MVB12B: variants seen among roughly 807,000 people sequenced by gnomAD.
MVB12B encodes the protein multivesicular body subunit 12B, also known as ESCRT-I complex subunit MVB12B.
Under a neutral mutation model 41.6 loss-of-function variants are expected in MVB12B, and 16 were observed. That is an observed-to-expected ratio of 0.38 (90% CI 0.26 to 0.58). The LOEUF (loss-of-function observed/expected upper bound fraction) is 0.58. Ranked by LOEUF, MVB12B falls within the 20% of genes least tolerant of loss-of-function variation. The pLI is 0.62. For synonymous variants in MVB12B, 133 were observed against 139.7 expected (o/e 0.95, Z 0.34); for missense variants, 274 against 380.2 (o/e 0.72, Z 2.32).
intron 2 of MVB12B, among the ~76,000 whole-genome samples, chr9:126,356,888 G>A (rs1463094607): frequency 6.6e-6 from 1 of 151,896 alleles, no homozygotes; most frequent in African/African-American, 2.4e-5. Context: ...AGCTCCCTAA[G>A]GCCCCCCAGA....
intron 7 of MVB12B, among the ~76,000 whole-genome samples, chr9:126,437,299 A>G (rs1490723583): frequency 4.6e-5 from 7 of 152,318 alleles, no homozygotes; most frequent in East Asian, 3.9e-4. Flanking sequence ...GCATAGACAG[A>G]TTTTCTTTTG....
chr9:126,330,422 G>T (rs991961196), intron 1 of MVB12B, among the ~76,000 whole-genome samples: 3 of 152,180 alleles, frequency 2.0e-5, no homozygotes, highest in African/African-American at 7.2e-5. Context: ...AAATGAGTTT[G>T]TAATGCACTA....
chr9:126,431,511 CTT>C (rs1588167494), intron 7 of MVB12B, among the ~76,000 whole-genome samples: 1 of 152,180 alleles, frequency 6.6e-6, no homozygotes, highest in East Asian at 1.9e-4. Flanking sequence ...GAAGTTAAGA[CTT>C]TTTCCAGTTA....
At chr9:126,396,669 G>C (rs1366785720) in intron 6 of MVB12B, 1 of 985,312 alleles carries the variant, frequency 1.0e-6, no homozygotes, top group African/African-American at 1.7e-5. Flanking sequence ...AGGCTCCAAA[G>C]CCCTGAGGAC....
intron 7 of MVB12B, among the ~76,000 whole-genome samples, chr9:126,457,868 G>A (rs1833014799): frequency 6.6e-6 from 1 of 152,144 alleles, no homozygotes; most frequent in Non-Finnish European, 1.5e-5. Context: ...CAATAGCCTC[G>A]CTGGAGTCAA....
chr9:126,460,212 A>G (rs1194253203), intron 7 of MVB12B, among the ~76,000 whole-genome samples: 4 of 152,120 alleles, frequency 2.6e-5, no homozygotes, highest in Non-Finnish European at 5.9e-5. Flanking sequence ...CTCCGTCACC[A>G]TGCAGGTGAC....
chr9:126,438,886 T>C (rs1329995636), intron 7 of MVB12B, among the ~76,000 whole-genome samples: 3 of 152,128 alleles, frequency 2.0e-5, no homozygotes, highest in Non-Finnish European at 4.4e-5. Flanking sequence ...ACTTGGGACT[T>C]ATCTTTCTAT....
At chr9:126,378,810 C>A (rs371832784) in intron 2 of MVB12B, among the ~76,000 whole-genome samples, 3 of 152,154 alleles carry the variant, frequency 2.0e-5, no homozygotes, top group East Asian at 1.9e-4. Flanking sequence ...ACTGCCCAAA[C>A]AGTGAAGCGT....
At chr9:126,418,014 G>A (rs1170905496) in intron 6 of MVB12B, among the ~76,000 whole-genome samples, 1 of 152,222 alleles carries the variant, frequency 6.6e-6, no homozygotes, top group Non-Finnish European at 1.5e-5. Flanking sequence ...TCTTTCTGGA[G>A]GAGAGGGGAA....
Position 126,389,209 on chromosome 9 carries a change from G to A in MVB12B, c.409+2551G>A, listed in dbSNP as rs1324114692. ...GTCACACAGGAGGGTGGGCAGCAGG[G>A]GGTCTCTTCATTTCTGGTTCTAGCA... On this transcript the variant is annotated intron_variant, in intron 4 of 9. Transcript: ENST00000361171. This position sits in a 1 kb window ranked among gnomAD's most constrained non-coding sequence, Gnocchi z 4.4. Among the ~76,000 whole-genome samples, 2 of 152,140 alleles carry A rather than the reference G, an allele frequency of 1.3e-5. No homozygotes were observed. Among genetic ancestry groups the A allele is most frequent in the Non-Finnish European group, 2.9e-5 (2 of 68,014 alleles).
chr9:126,458,157 A>G (rs1833022345), intron 7 of MVB12B, among the ~76,000 whole-genome samples: 1 of 152,060 alleles, frequency 6.6e-6, no homozygotes, highest in Non-Finnish European at 1.5e-5. Context: ...TGATTATGTA[A>G]CAGTCAGGAG....
At chr9:126,402,586 G>A (rs1006571693) in intron 6 of MVB12B, among the ~76,000 whole-genome samples, 1 of 152,126 alleles carries the variant, frequency 6.6e-6, no homozygotes, top group South Asian at 2.1e-4. Context: ...AGGCTGCAGT[G>A]AGCTGTGATC....
At chr9:126,416,600 G>T (rs565427657) in intron 6 of MVB12B, among the ~76,000 whole-genome samples, 2 of 152,262 alleles carry the variant, frequency 1.3e-5, no homozygotes, top group Non-Finnish European at 2.9e-5. Context: ...TTATATACCC[G>T]ATAGTGAAGC....
At chr9:126,404,532 T>A (rs1479403059) in intron 6 of MVB12B, among the ~76,000 whole-genome samples, 1 of 152,228 alleles carries the variant, frequency 6.6e-6, no homozygotes, top group Non-Finnish European at 1.5e-5. Context: ...CCCGCCATCT[T>A]CCTGTGCAGC....
intron 1 of MVB12B, among the ~76,000 whole-genome samples, chr9:126,337,860 T>C (rs1025496477): frequency 1.3e-5 from 2 of 152,352 alleles, no homozygotes; most frequent in East Asian, 3.9e-4. Flanking sequence ...CTCGAGTCCT[T>C]AGCCGCGGGG....
At chr9:126,348,763 T>C (rs898859565) in intron 2 of MVB12B, among the ~76,000 whole-genome samples, 1 of 152,168 alleles carries the variant, frequency 6.6e-6, no homozygotes, top group Admixed American at 6.6e-5. Flanking sequence ...TTTGAGACAA[T>C]GGTAGACTCA....
chr9:126,436,596 A>G lies in MVB12B; in HGVS notation c.757+14648A>G, dbSNP rs373794964. 7.9e-5 allele frequency among the ~76,000 whole-genome samples: 12 copies of G among 152,356 alleles called. No homozygotes were observed. The East Asian group carries it at 1.2e-3, about 15-fold the overall frequency. ...AGCTACATGTATGTGTATGTATGCAACTTGCAGCTGTGGAGCTGTAACTAC... is the reference window on the plus strand; with the variant it reads ...AGCTACATGTATGTGTATGTATGCAGCTTGCAGCTGTGGAGCTGTAACTAC... On this transcript the variant is annotated intron_variant, in intron 7 of 9. Coordinates refer to ENST00000361171, the MANE Select transcript of MVB12B (RefSeq NM_033446.3). This position sits in a 1 kb window ranked among gnomAD's most constrained non-coding sequence, Gnocchi z 4.1.
chr9:126,489,848 T>C (rs1351439420), intron 9 of MVB12B, among the ~76,000 whole-genome samples: 1 of 151,948 alleles, frequency 6.6e-6, no homozygotes, highest in Non-Finnish European at 1.5e-5. Context: ...GCCAGGGAGG[T>C]GACCAGGGGC....
At chr9:126,408,118 A>G (rs1292303072) in intron 6 of MVB12B, 2 of 152,252 alleles carry the variant, frequency 1.3e-5, no homozygotes, top group African/African-American at 4.8e-5. Flanking sequence ...GTAAAGGAGC[A>G]GTAGTGGAAA....
Sources: gnomAD v4.1 joint callset for allele counts (sites outside exome capture counted in the v4.1 genomes callset) on GRCh38, gnomAD v4.1.1 for gene constraint, Gnocchi (gnomAD v3.1) non-coding constraint, MANE v1.5 for transcripts, NCBI Gene and HGNC (gene_info 2026-07-23, HGNC 2026-07-21) for gene names.